The following CHN1 variants were observed in gnomAD, a reference collection of about 807,000 sequenced individuals.
The protein encoded by CHN1 is chimerin 1, also known as N-chimaerin.
CHN1 carries 37 observed loss-of-function variants against 59.5 expected under a neutral mutation model. The observed-to-expected ratio is 0.62, with a 90% CI of 0.48 to 0.82. CHN1 has a LOEUF of 0.82. Among genes scored for constraint, CHN1 ranks in the 40% least tolerant of loss-of-function variants. The pLI is 0.00. For synonymous variants in CHN1, 206 were observed against 200.4 expected, an observed-to-expected ratio of 1.03 and a Z score of -0.24; for missense variants, 469 against 571.0, an observed-to-expected ratio of 0.82 and a Z score of 1.82.
chr2:174,929,587 A>C (rs1689273094), intron 3 of CHN1, among the ~76,000 whole-genome samples: 1 of 152,136 alleles, frequency 6.6e-6, no homozygotes. Context: ...CAAAAAAAAA[A>C]AGGAAAAATA....
At chr2:174,979,319 C>T (rs1242368662) in intron 1 of CHN1, among the ~76,000 whole-genome samples, 1 of 152,078 alleles carries the variant, frequency 6.6e-6, no homozygotes, top group Non-Finnish European at 1.5e-5. Flanking sequence ...AATAATTATT[C>T]CACTTGATAA....
intron 1 of CHN1, among the ~76,000 whole-genome samples, chr2:175,004,657 T>C (rs936853719): frequency 2.0e-5 from 3 of 152,064 alleles, no homozygotes; most frequent in Non-Finnish European, 4.4e-5. Flanking sequence ...CCTCTGAGCC[T>C]CCCAGCCGAG....
chr2:174,979,487 T>C (rs1386167717), intron 1 of CHN1, among the ~76,000 whole-genome samples: 1 of 152,180 alleles, frequency 6.6e-6, no homozygotes, highest in Admixed American at 6.5e-5. Flanking sequence ...AGGCTCTGGT[T>C]ATGTGCAACC....
intron 5 of CHN1, among the ~76,000 whole-genome samples, chr2:174,909,014 A>G (rs1186531364): frequency 6.6e-6 from 1 of 152,240 alleles, no homozygotes; most frequent in African/African-American, 2.4e-5. Context: ...GAACATTATC[A>G]AAACATATTT....
intron 6 of CHN1, among the ~76,000 whole-genome samples, chr2:174,855,084 A>G (rs1159127679): frequency 2.0e-5 from 3 of 152,176 alleles, no homozygotes; most frequent in African/African-American, 7.2e-5. Context: ...ACAAATACCT[A>G]GTTTTTAATG....
chr2:174,902,699 A>C (rs889007007), intron 5 of CHN1, among the ~76,000 whole-genome samples: 2 of 152,238 alleles, frequency 1.3e-5, no homozygotes, highest in African/African-American at 4.8e-5. Context: ...ATCAGATCAA[A>C]AGAACACACA....
chr2:174,851,429 G>A (rs566395677), intron 6 of CHN1, among the ~76,000 whole-genome samples: 22 of 152,124 alleles, frequency 1.4e-4, no homozygotes, highest in Non-Finnish European at 2.8e-4. Flanking sequence ...AGAGGCACAT[G>A]CCACTACACC....
intron 1 of CHN1, among the ~76,000 whole-genome samples, chr2:174,987,915 G>A (rs1209284036): frequency 6.6e-6 from 1 of 152,136 alleles, no homozygotes; most frequent in African/African-American, 2.4e-5. Flanking sequence ...TATCCAGGAT[G>A]AGGGAGAGGG....
chr2:174,948,425 A>G (rs1392821292), intron 2 of CHN1, among the ~76,000 whole-genome samples: 2 of 151,748 alleles, frequency 1.3e-5, no homozygotes, highest in East Asian at 2.1e-4. Context: ...AATTCACACA[A>G]TAAGTACTGA....
intron 7 of CHN1, among the ~76,000 whole-genome samples, chr2:174,840,480 T>C (rs1200263142): frequency 6.6e-6 from 1 of 152,114 alleles, no homozygotes; most frequent in Non-Finnish European, 1.5e-5. Context: ...ACCCTTCCTA[T>C]GACCTTCTCA....
At chr2:174,976,651 T>G (rs983425619) in intron 1 of CHN1, among the ~76,000 whole-genome samples, 1 of 152,346 alleles carries the variant, frequency 6.6e-6, no homozygotes, top group South Asian at 2.1e-4. Flanking sequence ...CTCTTGCACT[T>G]GCATCTTCAA....
At chr2:174,820,907 A>C (rs905145201) in intron 8 of CHN1, among the ~76,000 whole-genome samples, 1 of 152,260 alleles carries the variant, frequency 6.6e-6, no homozygotes, top group East Asian at 1.9e-4. Flanking sequence ...AAACATTTAA[A>C]CATTCCTGAC....
intron 2 of CHN1, among the ~76,000 whole-genome samples, chr2:174,945,963 ACTAT>A (rs747896460): frequency 8.6e-5 from 13 of 151,658 alleles, no homozygotes; most frequent in Admixed American, 6.6e-4. Context: ...GTATATATAT[ACTAT>A]CTCTCTCTAC....
In CHN1 at chr2:174,937,842, T is replaced by TGAGC. The variant is rs1689542477; in HGVS notation, c.114+7045_114+7046insGCTC. ...GTGATATGCCAGCTCCCCCTCTGCC[T>TGAGC]TCCACCATGACTGTGAGCTTCGTGA... On this transcript the variant is annotated intron_variant, in intron 3 of 12. Transcript: ENST00000409900. Among the ~76,000 whole-genome samples, 3 of 152,246 alleles carry TGAGC rather than the reference T, an allele frequency of 2.0e-5. No individual in the cohort carries two copies. The South Asian group carries it at 6.2e-4, about 32-fold the overall frequency.
intron 2 of CHN1, among the ~76,000 whole-genome samples, chr2:174,950,774 GAA>G (rs1413813131): frequency 8.9e-5 from 13 of 145,354 alleles, no homozygotes; most frequent in African/African-American, 3.5e-4. Flanking sequence ...AAAATGCAGA[GAA>G]GTTTTTTTTT....
In CHN1 at chr2:174,800,274, C is replaced by T. The variant is rs761675174; in HGVS notation, c.1222G>A (p.Glu408Lys). The change falls in exon 13 of 13, where the codon GAA becomes AAA. Residue 408 changes from glutamate to lysine, a missense_variant. This residue lies in a region of CHN1 where 225 missense variants were observed against 289.9 expected (regional missense o/e 0.78). Transcript: ENST00000409900. Reference protein sequence around the residue: ...MAHLKRVTLHEKENLMNAENL... With the variant: ...MAHLKRVTLHKKENLMNAENL... ...TCTGCATTCATAAGATTCTCCTTTT[C>T]GTGGAGGGTCACTCTGAAAAATGCA... 9 of 1,429,932 alleles carry T rather than the reference C, an allele frequency of 6.3e-6. No homozygotes were observed. Among genetic ancestry groups the T allele is most frequent in the South Asian group, 2.0e-5 (1 of 51,206 alleles). The allele number at this position is 1,429,932 out of a possible 1,614,324, so 88.6% of individuals were successfully genotyped here. A position where few individuals can be genotyped will look rare whatever the true frequency, so the allele number is the denominator to read the frequency against.
At chr2:174,822,994 G>A (rs1685552013) in intron 8 of CHN1, among the ~76,000 whole-genome samples, 1 of 152,166 alleles carries the variant, frequency 6.6e-6, no homozygotes, top group Non-Finnish European at 1.5e-5. Context: ...GTGATACTAA[G>A]GGAATAATAA....
intron 5 of CHN1, among the ~76,000 whole-genome samples, chr2:174,889,936 A>G (rs192793501): frequency 1.3e-5 from 2 of 152,022 alleles, no homozygotes; most frequent in East Asian, 3.9e-4. Flanking sequence ...TGAAATACAC[A>G]AAAGAAAATG....
At chr2:174,860,906 C>G (rs543835830) in intron 6 of CHN1, among the ~76,000 whole-genome samples, 123 of 152,144 alleles carry the variant, frequency 8.1e-4, no homozygotes, top group African/African-American at 2.8e-3. Flanking sequence ...CTCTGAAGTC[C>G]AAACCACAGG....
Sources: gnomAD v4.1 joint callset for allele counts (sites outside exome capture counted in the v4.1 genomes callset) on GRCh38, gnomAD v4.1.1 for gene constraint, gnomAD v4.1.1 regional missense constraint, MANE v1.5 for transcripts, NCBI Gene and HGNC (gene_info 2026-07-23, HGNC 2026-07-21) for gene names.